C10orf90: variants seen among roughly 807,000 people sequenced by gnomAD.
C10orf90 encodes chromosome 10 open reading frame 90.
In C10orf90, 56 loss-of-function variants were observed where a neutral mutation model predicts 62.5. The observed-to-expected ratio is 0.90, with a 90% CI of 0.72 to 1.12. C10orf90 has a LOEUF of 1.12. C10orf90 is among the 50% of genes most tolerant of loss of function. C10orf90 has a pLI of 0.00. For missense variants in C10orf90, 970 were observed against 880.4 expected (o/e 1.10, Z -1.29); for synonymous variants, 386 against 340.4 (o/e 1.13, Z -1.47).
At chr10:126,602,249 C>G (rs1395856073) in intron 2 of C10orf90, among the ~76,000 whole-genome samples, 3 of 152,184 alleles carry the variant, frequency 2.0e-5, no homozygotes, top group Non-Finnish European at 4.4e-5. Flanking sequence ...AATAGGGTTG[C>G]TGGATGCACT....
intron 4 of C10orf90, chr10:126,470,049 G>A (rs1054670054): frequency 2.2e-6 from 1 of 456,224 alleles, no homozygotes; most frequent in African/African-American, 2.0e-5. Flanking sequence ...GCATGCTGCA[G>A]AGAAGGAGGG....
At position 126,552,971 on chromosome 10, in the gene C10orf90, A is replaced by G. The variant is rs375185752; in HGVS notation, c.314-39032T>C. ...GTCTATTAGACATCGGTTGGGGGAA[A>G]AAAATGAACCTCAACCCTGCTTCCC... On this transcript the variant is annotated intron_variant, in intron 2 of 9. Coordinates refer to ENST00000488181, the MANE Select transcript of C10orf90 (RefSeq NM_001350921.2). 1.1e-4 allele frequency among the ~76,000 whole-genome samples: 16 copies of G among 152,350 alleles called. 1 individual carries two copies. The East Asian group carries it at 2.3e-3, about 22-fold the overall frequency.
intron 2 of C10orf90, among the ~76,000 whole-genome samples, chr10:126,581,239 A>G (rs1423885218): frequency 2.6e-5 from 4 of 152,242 alleles, no homozygotes; most frequent in Non-Finnish European, 5.9e-5. Flanking sequence ...TTTGTTCCCA[A>G]AAGCTCAAAG....
intron 4 of C10orf90, among the ~76,000 whole-genome samples, chr10:126,479,306 AT>A (rs2133797175): frequency 6.6e-6 from 1 of 152,254 alleles, no homozygotes; most frequent in East Asian, 1.9e-4. Context: ...AATTGCACAA[AT>A]TTATCAGAAA....
At chr10:126,643,069 A>G (rs1846097230) in intron 2 of C10orf90, among the ~76,000 whole-genome samples, 1 of 152,266 alleles carries the variant, frequency 6.6e-6, no homozygotes, top group Non-Finnish European at 1.5e-5. Context: ...ATATCACAAC[A>G]GAGTTGTCTT....
At chr10:126,662,791 C>T (rs964702351) in intron 1 of C10orf90, among the ~76,000 whole-genome samples, 7 of 150,114 alleles carry the variant, frequency 4.7e-5, no homozygotes, top group Non-Finnish European at 1.0e-4. Context: ...GGATGGGTGC[C>T]TCCGTGCATT....
At chr10:126,627,968 T>C (rs1241416329) in intron 2 of C10orf90, among the ~76,000 whole-genome samples, 1 of 152,254 alleles carries the variant, frequency 6.6e-6, no homozygotes, top group Non-Finnish European at 1.5e-5. Flanking sequence ...TCTCCGAATA[T>C]GAGAAAACTT....
At chr10:126,582,154 A>G (rs1844766030) in intron 2 of C10orf90, among the ~76,000 whole-genome samples, 1 of 152,182 alleles carries the variant, frequency 6.6e-6, no homozygotes, top group Admixed American at 6.5e-5. Flanking sequence ...GGCCCCTCCA[A>G]TGTTGTCCTT....
At chr10:126,637,967 G>T (rs1845985219) in intron 2 of C10orf90, among the ~76,000 whole-genome samples, 1 of 152,150 alleles carries the variant, frequency 6.6e-6, no homozygotes, top group South Asian at 2.1e-4. Flanking sequence ...GAAGAGGCTG[G>T]GCCCCAAAGA....
chr10:126,607,716 T>C (rs913277780), intron 2 of C10orf90, among the ~76,000 whole-genome samples: 5 of 152,242 alleles, frequency 3.3e-5, no homozygotes, highest in Middle Eastern at 3.4e-3. Flanking sequence ...AAATAACCAG[T>C]GCAGGATGTT....
chr10:126,437,893 A>G (rs1314602576), intron 7 of C10orf90, among the ~76,000 whole-genome samples: 1 of 152,228 alleles, frequency 6.6e-6, no homozygotes, highest in African/African-American at 2.4e-5. Context: ...TGTCCTTGTT[A>G]TGCAGTTAGT....
At position 126,432,018 on chromosome 10, in the gene C10orf90, C is replaced by A. The variant is rs545946208; in HGVS notation, c.2189-2168G>T. Among the ~76,000 whole-genome samples, 7 of 152,326 alleles carry A rather than the reference C, an allele frequency of 4.6e-5. No individual in the cohort carries two copies. In the South Asian group the frequency reaches 1.5e-3, roughly 32 times the overall value. The stretch of plus-strand genomic sequence containing the variant: ...ACTGTGTCCAAGGGGGCTTCCCCTG[C>A]TGGTGACCTCAACCCATACCCCCGG... On this transcript the variant is annotated intron_variant, in intron 7 of 9. Transcript: ENST00000488181.
At chr10:126,501,679 C>T (rs60994783) in intron 4 of C10orf90, among the ~76,000 whole-genome samples, 40,805 of 151,976 alleles carry the variant, frequency 0.27, 6,056 homozygotes, top group African/African-American at 0.41. Flanking sequence ...TCAGCAACTC[C>T]ACAAAAAGTT....
rs192572843 is a variant in C10orf90 at position 126,450,062 on chromosome 10, A to T, written c.2188+8978T>A. ...GAACTATATGAAAAAGAAATCAAGA[A>T]AACAATCCCATTTACACTGACATCA... On this transcript the variant is annotated intron_variant, in intron 7 of 9. Coordinates refer to ENST00000488181, the MANE Select transcript of C10orf90 (RefSeq NM_001350921.2). Among the ~76,000 whole-genome samples, 384 of 152,272 alleles carry T rather than the reference A, an allele frequency of 2.5e-3. 6 individuals are homozygous for T. Among genetic ancestry groups the T allele is most frequent in the South Asian group, 0.018 (88 of 4,822 alleles).
intron 2 of C10orf90, among the ~76,000 whole-genome samples, chr10:126,543,427 G>A (rs919142001): frequency 1.3e-5 from 2 of 152,178 alleles, no homozygotes; most frequent in Non-Finnish European, 2.9e-5. Flanking sequence ...AGTAAGTGTA[G>A]GATATTATTA....
At chr10:126,555,114 A>T (rs1191694279) in intron 2 of C10orf90, among the ~76,000 whole-genome samples, 1 of 152,150 alleles carries the variant, frequency 6.6e-6, no homozygotes, top group Non-Finnish European at 1.5e-5. Flanking sequence ...TCCACCTTAC[A>T]ATCAGCAAGT....
At chr10:126,626,765 G>A (rs895252860) in intron 2 of C10orf90, among the ~76,000 whole-genome samples, 1 of 152,178 alleles carries the variant, frequency 6.6e-6, no homozygotes, top group African/African-American at 2.4e-5. Flanking sequence ...AAAAAACAGA[G>A]TTGATGCTGA....
At chr10:126,461,638 T>C in intron 5 of C10orf90, 53 bp from the exon 6 acceptor site, 2 of 1,557,990 alleles carry the variant, frequency 1.3e-6, no homozygotes, top group Non-Finnish European at 1.7e-6. Flanking sequence ...GATTTTCACG[T>C]GGCTCCTCAA....
At chr10:126,479,106 G>A (rs549923471) in intron 4 of C10orf90, among the ~76,000 whole-genome samples, 2 of 152,276 alleles carry the variant, frequency 1.3e-5, no homozygotes, top group South Asian at 4.1e-4. Flanking sequence ...CTGTACCGCA[G>A]GGTGTGAGGA....
Sources: gnomAD v4.1 joint callset for allele counts (sites outside exome capture counted in the v4.1 genomes callset) on GRCh38, gnomAD v4.1.1 for gene constraint, MANE v1.5 for transcripts, NCBI Gene and HGNC (gene_info 2026-07-23, HGNC 2026-07-21) for gene names.